Variants in GNA13 observed in about 807,000 individuals in gnomAD.
The protein encoded by GNA13 is guanine nucleotide-binding protein subunit alpha-13.
A neutral mutation model predicts 33.5 loss-of-function variants in GNA13; 4 were observed. The ratio of observed to expected loss-of-function variants is 0.12; its 90% CI spans 0.06 to 0.27. GNA13 has a LOEUF of 0.27. GNA13 is among the 10% of genes least tolerant of loss of function. The pLI is 1.00. For missense variants in GNA13, 319 were observed against 487.2 expected (o/e 0.65, Z 3.25); for synonymous variants, 176 against 183.8 (o/e 0.96, Z 0.34).
chr17:65,025,842 C>T (rs553987250), intron 2 of GNA13, among the ~76,000 whole-genome samples: 57 of 148,002 alleles, frequency 3.9e-4, no homozygotes, highest in African/African-American at 1.3e-3. Context: ...AAAAATTAGC[C>T]GGGTGTGGTG....
chr17:65,040,941 G>A (rs1907429303), intron 2 of GNA13, among the ~76,000 whole-genome samples: 1 of 152,076 alleles, frequency 6.6e-6, no homozygotes. Flanking sequence ...GGAAATTCTG[G>A]GACAGCTGCT....
At position 65,012,041 on chromosome 17, in the gene GNA13, T is replaced by C. The variant is rs1446181414; in HGVS notation, c.*2216A>G. 1 of 228,722 alleles carries C rather than the reference T, an allele frequency of 4.4e-6. No homozygotes were observed. The highest frequency in any genetic ancestry group is 8.7e-6 in the Non-Finnish European group (1 of 115,322). The allele number at this position is 228,722 out of a possible 1,614,324, so 14.2% of individuals were successfully genotyped here. A position where few individuals can be genotyped will look rare whatever the true frequency, so the allele number is the denominator to read the frequency against. ...AAATATAGTCTAGATTTTAAAAGAA[T>C]GTTGATTCTGAGACATTACATGCAG... is the stretch of plus-strand genomic sequence containing the variant. On this transcript the variant is annotated 3_prime_UTR_variant, in exon 4 of 4. Coordinates refer to ENST00000439174, the MANE Select transcript of GNA13 (RefSeq NM_006572.6).
At chr17:65,029,001 T>C (rs1207465386) in intron 2 of GNA13, among the ~76,000 whole-genome samples, 1 of 152,132 alleles carries the variant, frequency 6.6e-6, no homozygotes, top group Non-Finnish European at 1.5e-5. Flanking sequence ...GTTACTGATA[T>C]AATACTGAGA....
chr17:65,043,764 A>G (rs536041918), intron 2 of GNA13, among the ~76,000 whole-genome samples: 1 of 152,324 alleles, frequency 6.6e-6, no homozygotes, highest in East Asian at 1.9e-4. Flanking sequence ...GAGTTCCACT[A>G]AAGTATTCTG....
intron 2 of GNA13, among the ~76,000 whole-genome samples, chr17:65,028,384 G>A (rs1906880455): frequency 7.0e-6 from 1 of 142,518 alleles, no homozygotes; most frequent in Non-Finnish European, 1.5e-5. Flanking sequence ...ACTCCAACCT[G>A]AGCGACAGAG....
At chr17:65,023,580 G>A (rs1488267782) in intron 2 of GNA13, among the ~76,000 whole-genome samples, 1 of 152,226 alleles carries the variant, frequency 6.6e-6, no homozygotes, top group East Asian at 1.9e-4. Flanking sequence ...AAACGGCACT[G>A]TTGGTGAAAC....
intron 2 of GNA13, among the ~76,000 whole-genome samples, chr17:65,047,751 C>T (rs745439078): frequency 1.3e-5 from 2 of 151,854 alleles, no homozygotes; most frequent in Non-Finnish European, 2.9e-5. Flanking sequence ...TCCTGTCTCC[C>T]CAGAAGCTGG....
chr17:65,037,494 A>C (rs1440719103), intron 2 of GNA13, among the ~76,000 whole-genome samples: 1 of 152,140 alleles, frequency 6.6e-6, no homozygotes, highest in Non-Finnish European at 1.5e-5. Flanking sequence ...ATGGCACAGG[A>C]CACCACTGAC....
intron 2 of GNA13, among the ~76,000 whole-genome samples, chr17:65,029,061 A>G (rs1906906569): frequency 6.6e-6 from 1 of 152,256 alleles, no homozygotes; most frequent in African/African-American, 2.4e-5. Context: ...CTTGGTGAAC[A>G]CTGAAGGATC....
chr17:65,019,377 C>T (rs1288725006), intron 2 of GNA13, among the ~76,000 whole-genome samples: 1 of 152,178 alleles, frequency 6.6e-6, no homozygotes, highest in Non-Finnish European at 1.5e-5. Context: ...CCCACGTTTA[C>T]TGCTGCACTC....
chr17:65,056,251 A>ACCCCCCCCCCC, intron 1 of GNA13, 60 bp downstream of exon 1: 12 of 740,710 alleles, frequency 1.6e-5, no homozygotes, highest in Non-Finnish European at 2.1e-5. Flanking sequence ...CCCGCCCCGC[A>ACCCCCCCCCCC]CCCGCCGCCG....
At chr17:65,019,908 A>G (rs1906522126) in intron 2 of GNA13, among the ~76,000 whole-genome samples, 1 of 152,396 alleles carries the variant, frequency 6.6e-6, no homozygotes, top group Admixed American at 6.5e-5. Context: ...TACGCATTGC[A>G]TGCCTCTATC....
chr17:65,021,932 G>T (rs1432820033), intron 2 of GNA13, among the ~76,000 whole-genome samples: 1 of 152,160 alleles, frequency 6.6e-6, no homozygotes, highest in Non-Finnish European at 1.5e-5. Context: ...CACTGAAAAA[G>T]TATATACAAC....
chr17:65,048,091 C>A (rs1907730871), intron 2 of GNA13, among the ~76,000 whole-genome samples: 1 of 152,134 alleles, frequency 6.6e-6, no homozygotes, highest in Non-Finnish European at 1.5e-5. Context: ...CTGGCCATTA[C>A]AGGAAGTTGT....
At chr17:65,042,564 C>T (rs1048290249) in intron 2 of GNA13, among the ~76,000 whole-genome samples, 3 of 151,804 alleles carry the variant, frequency 2.0e-5, no homozygotes, top group Admixed American at 2.0e-4. Context: ...CGGTGAAACC[C>T]CATCTCTACC....
intron 2 of GNA13, among the ~76,000 whole-genome samples, chr17:65,033,584 T>C (rs185257081): frequency 1.3e-5 from 2 of 152,292 alleles, no homozygotes; most frequent in African/African-American, 4.8e-5. Flanking sequence ...GAGTAAAATG[T>C]TCAGTTCATG....
At chr17:65,018,509 C>T (rs1212569184) in intron 2 of GNA13, among the ~76,000 whole-genome samples, 1 of 152,168 alleles carries the variant, frequency 6.6e-6, no homozygotes, top group African/African-American at 2.4e-5. Flanking sequence ...GCTGATTTCA[C>T]AAATGCTTAA....
At position 65,010,156 on chromosome 17, in the gene GNA13, G is replaced by A. The variant is rs1321158480; in HGVS notation, c.*4101C>T. ...ATGGTAAGACCTGAATGCTACAAGA[G>A]TGAACATAACTTAAATGCTAACTAC... is the stretch of plus-strand genomic sequence containing the variant. On this transcript the variant is annotated 3_prime_UTR_variant, in exon 4 of 4. Coordinates refer to ENST00000439174, the MANE Select transcript of GNA13 (RefSeq NM_006572.6). Among the ~76,000 whole-genome samples, 1 of 152,178 alleles carries A rather than the reference G, an allele frequency of 6.6e-6. No homozygotes were observed. Among genetic ancestry groups the A allele is most frequent in the Admixed American group, 6.5e-5 (1 of 15,280 alleles).
chr17:65,051,483 C>T (rs139625974), intron 2 of GNA13, among the ~76,000 whole-genome samples: 3,987 of 152,096 alleles, frequency 0.026, 182 homozygotes, highest in African/African-American at 0.09. Flanking sequence ...GGTGTGGTGG[C>T]GCATGCCTGT....
Sources: gnomAD v4.1 joint callset for allele counts (sites outside exome capture counted in the v4.1 genomes callset) on GRCh38, gnomAD v4.1.1 for gene constraint, MANE v1.5 for transcripts, NCBI Gene and HGNC (gene_info 2026-07-23, HGNC 2026-07-21) for gene names.